The following CEP76 variants were observed in gnomAD, a reference collection of about 807,000 sequenced individuals.
The protein encoded by CEP76 is centrosomal protein 76.
Under a neutral mutation model 83.3 loss-of-function variants are expected in CEP76, and 55 were observed. The observed-to-expected ratio is 0.66, with a 90% CI of 0.53 to 0.83. The LOEUF is 0.83. Among genes scored for constraint, CEP76 ranks in the 40% least tolerant of loss-of-function variants. CEP76 has a pLI of 0.00. For missense variants in CEP76, 694 were observed against 799.5 expected (o/e 0.87, Z 1.59); for synonymous variants, 270 against 274.5 (o/e 0.98, Z 0.16).
chr18:12,694,812 G>A (rs527700026), intron 6 of CEP76, among the ~76,000 whole-genome samples: 3 of 151,128 alleles, frequency 2.0e-5, no homozygotes, highest in East Asian at 1.9e-4. Context: ...ACCGGTTCAC[G>A]CCATTCTCCT....
chr18:12,700,863 TA>T, intron 2 of CEP76, 94 bp downstream of exon 2: 1 of 1,006,950 alleles, frequency 9.9e-7, no homozygotes. Flanking sequence ...GTGGTTTTAC[TA>T]AAACGAAAGG....
chr18:12,687,937 A>AT (rs1391718306), intron 7 of CEP76, among the ~76,000 whole-genome samples: 2 of 151,792 alleles, frequency 1.3e-5, no homozygotes, highest in African/African-American at 4.8e-5. Flanking sequence ...GATTTACAAC[A>AT]TTTTCTTAAA....
chr18:12,675,008 G>C (rs373905095), intron 10 of CEP76, among the ~76,000 whole-genome samples: 10 of 152,126 alleles, frequency 6.6e-5, no homozygotes, highest in East Asian at 3.8e-4. Context: ...TCCAAATCCT[G>C]TACTTCTCTA....
intron 6 of CEP76, 32 bp from the exon 7 acceptor site, chr18:12,691,519 TATTC>T (rs775494015): frequency 1.1e-5 from 17 of 1,520,508 alleles, no homozygotes; most frequent in South Asian, 4.7e-5. Flanking sequence ...TTTCAATTTC[TATTC>T]ATTATCTTTA....
downstream of CEP76, among the ~76,000 whole-genome samples, chr18:12,671,886 T>C (rs566451716): frequency 6.6e-6 from 1 of 152,222 alleles, no homozygotes; most frequent in African/African-American, 2.4e-5. Context: ...AGTGGCATGA[T>C]CTTGGCTCAT....
intron 4 of CEP76, 123 bp downstream of exon 4, chr18:12,698,856 G>C: frequency 1.4e-6 from 1 of 693,152 alleles, no homozygotes. Context: ...AGAGCAGTGG[G>C]AAACAAAATA....
At chr18:12,692,979 T>C (rs2039822765) in intron 6 of CEP76, among the ~76,000 whole-genome samples, 1 of 152,106 alleles carries the variant, frequency 6.6e-6, no homozygotes, top group Non-Finnish European at 1.5e-5. Context: ...TGCACCACCA[T>C]GTGCAGTTAA....
chr18:12,677,059 C>T (rs956475759), intron 10 of CEP76, among the ~76,000 whole-genome samples: 5 of 152,162 alleles, frequency 3.3e-5, no homozygotes, highest in Admixed American at 3.3e-4. Flanking sequence ...TCTTGATGAG[C>T]TTAAGTCTTT....
rs1452276352 is a variant in CEP76, at chr18:12,672,769, T to C, written c.*596A>G. 1 of 977,248 alleles carries C rather than the reference T, an allele frequency of 1.0e-6. No homozygotes were observed. The highest frequency in any genetic ancestry group is 1.2e-6 in the Non-Finnish European group (1 of 822,364). The allele number at this position is 977,248 out of a possible 1,614,324, so 60.5% of individuals were successfully genotyped here. The stretch of plus-strand genomic sequence containing the variant: ...ATTCATGTACTTTCATATGAGGTTA[T>C]TAATATTTATGCTTTTCTGGTATTA... On this transcript the variant is annotated 3_prime_UTR_variant, in exon 12 of 12. Transcript: ENST00000262127.
chr18:12,669,690 G>T (rs534767682), downstream of CEP76, among the ~76,000 whole-genome samples: 5 of 152,148 alleles, frequency 3.3e-5, no homozygotes, highest in East Asian at 9.7e-4. Context: ...AAATATACAA[G>T]GTAAATTTAA....
rs1279098366 is a variant in CEP76 at position 12,695,295 on chromosome 18, G to T, written c.763C>A (p.Pro255Thr). 6 of 1,569,962 alleles carry T rather than the reference G, an allele frequency of 3.8e-6. No individual in the cohort carries two copies. Among genetic ancestry groups the T allele is most frequent in the Non-Finnish European group, 5.2e-6 (6 of 1,146,026 alleles). ...ILNIKLEMYP[P>T]LNQTLSQEVV... Reference sequence around the variant, plus strand: ...TCTTGAGATAACGTTTGATTGAGTGGTGGATACATTTCAAGTTTTATATTT... The same window carrying T: ...TCTTGAGATAACGTTTGATTGAGTGTTGGATACATTTCAAGTTTTATATTT... Residue 255 changes from proline (P) to threonine (T), a missense_variant, in exon 6 of 12, where the codon CCA becomes ACA. By Grantham distance (38) the Pro-to-Thr change is conservative. Coordinates refer to ENST00000262127, the MANE Select transcript of CEP76 (RefSeq NM_024899.4).
At chr18:12,694,945 G>C (rs2039898398) in intron 6 of CEP76, among the ~76,000 whole-genome samples, 1 of 151,508 alleles carries the variant, frequency 6.6e-6, no homozygotes. Flanking sequence ...ACGATCTCCT[G>C]ACCTTGTGAT....
chr18:12,667,664 G>A (rs2038829359), downstream of CEP76, among the ~76,000 whole-genome samples: 2 of 151,390 alleles, frequency 1.3e-5, no homozygotes, highest in African/African-American at 4.9e-5. Context: ...GGGAGGCTGA[G>A]GCAGGAGAAT....
At chr18:12,698,904 G>C in intron 4 of CEP76, 75 bp downstream of exon 4, 1 of 1,087,212 alleles carries the variant, frequency 9.2e-7, no homozygotes, top group Non-Finnish European at 1.3e-6. Flanking sequence ...TACAGAAAAA[G>C]TCATTATTAT....
At chr18:12,677,458 CAAAAAAAA>C (rs71174127) in intron 10 of CEP76, among the ~76,000 whole-genome samples, 12 of 53,938 alleles carry the variant, frequency 2.2e-4, no homozygotes, top group East Asian at 8.6e-4. Flanking sequence ...GATTCCATCT[CAAAAAAAA>C]AAAAAAAAAA....
rs563791614 is a variant in CEP76 at position 12,691,339 on chromosome 18, T to G, written c.933+20A>C. The stretch of plus-strand genomic sequence containing the variant: ...AATCTCAAATACAGGCATAAAATTA[T>G]TCTAATATAATTTACAAACCTGTGC... On this transcript the variant is annotated intron_variant, in intron 7 of 11. Transcript: ENST00000262127. The G allele has an allele frequency of 1.3e-6, 2 of 1,507,364 alleles. No homozygotes were observed. Among genetic ancestry groups the G allele is most frequent in the South Asian group, 2.6e-5 (2 of 77,166 alleles). The allele number at this position is 1,507,364 out of a possible 1,614,324, so 93.4% of individuals were successfully genotyped here.
chr18:12,692,583 C>A (rs766560924), intron 6 of CEP76, among the ~76,000 whole-genome samples: 1 of 152,144 alleles, frequency 6.6e-6, no homozygotes, highest in Admixed American at 6.5e-5. Flanking sequence ...CTTAGTCACT[C>A]GACCTATAAT....
chr18:12,691,751 T>G (rs1268846145), intron 6 of CEP76, among the ~76,000 whole-genome samples: 1 of 151,384 alleles, frequency 6.6e-6, no homozygotes, highest in Non-Finnish European at 1.5e-5. Context: ...AGTCTTGCTC[T>G]GTCGCCCAGG....
chr18:12,666,525 T>A (rs1288871884), intron 12 of CEP76, among the ~76,000 whole-genome samples: 1 of 147,664 alleles, frequency 6.8e-6, no homozygotes, highest in Non-Finnish European at 1.5e-5. Context: ...TGAAGCCTCC[T>A]AACGTCCCGC....
Sources: allele counts gnomAD v4.1 joint callset (sites outside exome capture counted in the v4.1 genomes callset), GRCh38; gene constraint gnomAD v4.1.1; transcripts MANE v1.5; gene names NCBI Gene and HGNC (gene_info 2026-07-23, HGNC 2026-07-21).